USP37: variants seen among roughly 807,000 people sequenced by gnomAD.
USP37 encodes the protein ubiquitin carboxyl-terminal hydrolase 37.
USP37 carries 27 observed loss-of-function variants against 124.0 expected under a neutral mutation model. That is an observed-to-expected ratio of 0.22 (90% CI 0.16 to 0.30). The LOEUF is 0.30. Ranked by LOEUF, USP37 falls within the 10% of genes least tolerant of loss-of-function variation. The pLI, the probability that USP37 is intolerant of heterozygous loss-of-function variation, is 1.00. For missense variants in USP37, 889 were observed against 1,140.4 expected (o/e 0.78, Z 3.17); for synonymous variants, 365 against 388.0 (o/e 0.94, Z 0.70).
At chr2:218,521,510 GC>G (rs1187968066) in intron 10 of USP37, among the ~76,000 whole-genome samples, 1 of 151,896 alleles carries the variant, frequency 6.6e-6, no homozygotes, top group African/African-American at 2.4e-5. Flanking sequence ...CCCCCAACAG[GC>G]CCTACTGTGT....
chr2:218,488,502 C>T (rs1691720273), intron 14 of USP37, 81 bp from the exon 15 acceptor site: 5 of 908,668 alleles, frequency 5.5e-6, no homozygotes, highest in Non-Finnish European at 5.1e-6. Context: ...TCTGTTCTTC[C>T]ACAGAACTTA....
chr2:218,463,530 CTTTTTTTTTTTTT>C (rs778154896), intron 21 of USP37, among the ~76,000 whole-genome samples, 164 bp from the exon 22 acceptor site: 2 of 99,098 alleles, frequency 2.0e-5, no homozygotes, highest in African/African-American at 4.3e-5. Flanking sequence ...AAGTTCTTTA[CTTTTTTTTTTTTT>C]TTTTTTTTTT....
At chr2:218,472,627 C>T (rs867236935) in intron 20 of USP37, among the ~76,000 whole-genome samples, 1 of 151,970 alleles carries the variant, frequency 6.6e-6, no homozygotes, top group Non-Finnish European at 1.5e-5. Flanking sequence ...ACATCACACC[C>T]GGCTAATTTT....
chr2:218,528,728 T>C, intron 10 of USP37: 1 of 435,252 alleles, frequency 2.3e-6, no homozygotes, highest in Non-Finnish European at 4.1e-6. Flanking sequence ...TCAACCCTTC[T>C]GTGCTGCACT....
chr2:218,566,435 G>A (rs1194913954), intron 1 of USP37, among the ~76,000 whole-genome samples: 1 of 152,210 alleles, frequency 6.6e-6, no homozygotes, highest in East Asian at 1.9e-4. Flanking sequence ...GCACTTACCA[G>A]GAGGAAATCC....
chr2:218,480,874 C>A (rs1259807976), intron 17 of USP37, among the ~76,000 whole-genome samples: 1 of 152,208 alleles, frequency 6.6e-6, no homozygotes, highest in Non-Finnish European at 1.5e-5. Flanking sequence ...GAGGAAAAAA[C>A]CAGAAACACT....
At chr2:218,497,125 C>T (rs1689124568) in intron 13 of USP37, among the ~76,000 whole-genome samples, 2 of 152,076 alleles carry the variant, frequency 1.3e-5, no homozygotes, top group African/African-American at 4.8e-5. Context: ...GGTTGGAGTG[C>T]AATGGTGCGA....
At chr2:218,549,238 C>T (rs1299996397) in intron 6 of USP37, among the ~76,000 whole-genome samples, 1 of 151,710 alleles carries the variant, frequency 6.6e-6, no homozygotes, top group Non-Finnish European at 1.5e-5. Flanking sequence ...TAAAAATGTC[C>T]CCCAAAAATC....
intron 10 of USP37, chr2:218,528,147 A>G (rs1691083954): frequency 1.3e-5 from 2 of 152,242 alleles, no homozygotes. Context: ...GGTTGCAGTC[A>G]GCCGAGATTG....
rs1024184344 is a variant in USP37, at chr2:218,546,783, T to C, written c.602+136A>G. The C allele has an allele frequency of 1.1e-5, 11 of 979,060 alleles. No individual in the cohort carries two copies. In the Admixed American group the frequency reaches 1.2e-4, roughly 11 times the overall value. 60.6% of individuals were successfully genotyped at this position (979,060 alleles called of 1,614,324 possible). On this transcript the variant is annotated intron_variant, in intron 7 of 25. Coordinates refer to ENST00000258399, the MANE Select transcript of USP37 (RefSeq NM_020935.3). ...ACATGTCACTGACATAAACTACATA[T>C]GACAAATACTTGTAATCATTACATC...
chr2:218,566,948 C>A (rs771195653), intron 1 of USP37, among the ~76,000 whole-genome samples: 9 of 152,010 alleles, frequency 5.9e-5, no homozygotes, highest in Non-Finnish European at 1.3e-4. Flanking sequence ...AAGATCAAGG[C>A]TTTGGATTTG....
At chr2:218,530,380 A>C (rs959907634) in intron 9 of USP37, among the ~76,000 whole-genome samples, 1 of 152,160 alleles carries the variant, frequency 6.6e-6, no homozygotes, top group African/African-American at 2.4e-5. Flanking sequence ...TATATCTATT[A>C]CAGTGATCTG....
chr2:218,501,593 T>C (rs539387839), intron 11 of USP37, among the ~76,000 whole-genome samples: 3 of 152,186 alleles, frequency 2.0e-5, no homozygotes, highest in Non-Finnish European at 4.4e-5. Context: ...AAATAAATGA[T>C]GTGAGTCCTA....
At chr2:218,458,402 T>C (rs977207885) in intron 23 of USP37, among the ~76,000 whole-genome samples, 3 of 151,630 alleles carry the variant, frequency 2.0e-5, no homozygotes, top group African/African-American at 7.3e-5. Flanking sequence ...TGAAATTGCA[T>C]CTCTACTAAA....
At chr2:218,471,226 GA>G (rs1316969563) in intron 20 of USP37, among the ~76,000 whole-genome samples, 2 of 152,112 alleles carry the variant, frequency 1.3e-5, no homozygotes, top group African/African-American at 4.8e-5. Flanking sequence ...TGCGACAGAA[GA>G]AAAGAGGAAG....
chr2:218,507,228 C>T (rs1280545425), intron 11 of USP37, among the ~76,000 whole-genome samples: 3 of 151,910 alleles, frequency 2.0e-5, no homozygotes, highest in Non-Finnish European at 2.9e-5. Context: ...GGTGCAATCT[C>T]GGCTCACTGC....
chr2:218,526,424 G>A (rs1240352037), intron 10 of USP37, among the ~76,000 whole-genome samples: 1 of 151,826 alleles, frequency 6.6e-6, no homozygotes, highest in African/African-American at 2.4e-5. Flanking sequence ...TAGTAGAGAT[G>A]GGGTTTCACC....
chr2:218,518,894 G>A (rs903792814), intron 10 of USP37, among the ~76,000 whole-genome samples: 4 of 151,996 alleles, frequency 2.6e-5, no homozygotes, highest in Non-Finnish European at 5.9e-5. Flanking sequence ...CTATGTCTCC[G>A]GGAGTTTCCT....
chr2:218,507,957 G>A (rs1331893667), intron 11 of USP37, among the ~76,000 whole-genome samples: 2 of 152,108 alleles, frequency 1.3e-5, no homozygotes, highest in African/African-American at 4.8e-5. Context: ...ATTTTCTTCA[G>A]TGCTTCATCT....
Sources: allele counts gnomAD v4.1 joint callset (sites outside exome capture counted in the v4.1 genomes callset), GRCh38; gene constraint gnomAD v4.1.1; transcripts MANE v1.5; gene names NCBI Gene and HGNC (gene_info 2026-07-23, HGNC 2026-07-21).